The following PLEKHA5 variants were observed in gnomAD, a reference collection of about 807,000 sequenced individuals.
PLEKHA5 encodes the protein pleckstrin homology domain-containing family A member 5.
Under a neutral mutation model 181.9 loss-of-function variants are expected in PLEKHA5, and 55 were observed. The ratio of observed to expected loss-of-function variants is 0.30; its 90% confidence interval spans 0.24 to 0.38. PLEKHA5 has a LOEUF of 0.38. Among genes scored for constraint, PLEKHA5 ranks in the 10% least tolerant of loss-of-function variants. PLEKHA5 has a pLI of 1.00. For synonymous variants in PLEKHA5, 535 were observed against 529.4 expected, an observed-to-expected ratio of 1.01 and a Z score of -0.15; for missense variants, 1,432 against 1,549.5, an observed-to-expected ratio of 0.92 and a Z score of 1.27.
intron 22 of PLEKHA5, among the ~76,000 whole-genome samples, chr12:19,345,213 A>G (rs1383988302): frequency 6.6e-6 from 1 of 151,914 alleles, no homozygotes; most frequent in Non-Finnish European, 1.5e-5. Flanking sequence ...CAGGCTGGCC[A>G]ACTTGTTGAG....
intron 3 of PLEKHA5, among the ~76,000 whole-genome samples, chr12:19,213,250 A>T (rs568904386): frequency 6.6e-6 from 1 of 152,044 alleles, no homozygotes; most frequent in East Asian, 1.9e-4. Flanking sequence ...AGAGCAGATT[A>T]TGTCTGTGTT....
At chr12:19,343,057 T>C (rs1167941670) in intron 21 of PLEKHA5, among the ~76,000 whole-genome samples, 1 of 152,154 alleles carries the variant, frequency 6.6e-6, no homozygotes, top group African/African-American at 2.4e-5. Flanking sequence ...GTATCATAAA[T>C]AATGTAAGAC....
At chr12:19,156,707 G>A (rs973827069) in intron 3 of PLEKHA5, among the ~76,000 whole-genome samples, 9 of 151,766 alleles carry the variant, frequency 5.9e-5, no homozygotes, top group African/African-American at 2.2e-4. Flanking sequence ...AAAAATGCAT[G>A]CATTTAGGTT....
chr12:19,364,649 C>A (rs78313437), intron 29 of PLEKHA5, among the ~76,000 whole-genome samples: 1 of 151,920 alleles, frequency 6.6e-6, no homozygotes, highest in South Asian at 2.1e-4. Context: ...ACCCAATAAC[C>A]CCTGAACTCA....
intron 16 of PLEKHA5, among the ~76,000 whole-genome samples, chr12:19,316,325 C>G (rs1199677179): frequency 6.6e-6 from 1 of 151,686 alleles, no homozygotes; most frequent in African/African-American, 2.4e-5. Flanking sequence ...GCTCAACATT[C>G]ATGGTTCAGG....
chr12:19,228,861 GA>G (rs534047211), intron 3 of PLEKHA5, among the ~76,000 whole-genome samples: 87 of 152,108 alleles, frequency 5.7e-4, no homozygotes, highest in African/African-American at 2.0e-3. Context: ...CTAAACAAAT[GA>G]AAAATCTATT....
rs1211645644 is a variant in PLEKHA5, at chr12:19,130,744, C to T, written c.169+614C>T. On this transcript the variant is annotated intron_variant, in intron 2 of 31. Transcript: ENST00000429027. The surrounding 1 kb of genome is among the most constrained non-coding windows in gnomAD (Gnocchi z 4.5). ...CTGCGATCCTCTCTGTGACAGGGAA[C>T]GGCTCGGGAAACGCTTGGCGCGTTC... is the stretch of plus-strand genomic sequence containing the variant. 6.6e-6 allele frequency: 1 copy of T among 152,392 alleles called. No homozygotes were observed. The highest frequency in any genetic ancestry group is 1.5e-5 in the Non-Finnish European group (1 of 68,118). 9.4% of individuals were successfully genotyped at this position (152,392 alleles called of 1,614,324 possible).
At chr12:19,230,501 C>T (rs968270400) in intron 3 of PLEKHA5, among the ~76,000 whole-genome samples, 3 of 152,180 alleles carry the variant, frequency 2.0e-5, no homozygotes, top group African/African-American at 7.2e-5. Context: ...GAGCCCTGCC[C>T]TGTGGGGAAG....
At chr12:19,315,470 A>G (rs559879206) in intron 16 of PLEKHA5, among the ~76,000 whole-genome samples, 7 of 152,046 alleles carry the variant, frequency 4.6e-5, no homozygotes, top group African/African-American at 1.7e-4. Flanking sequence ...AAGTTACCCT[A>G]TTGTTTTTCC....
rs767633023 is a variant in PLEKHA5, at chr12:19,253,365, G to A, written c.228-575G>A. ...GCTGGGATTACAGGCGTGAGCCATG[G>A]CACCTGGCCTACAACTTAACCTTTG... is the stretch of plus-strand genomic sequence containing the variant. On this transcript the variant is annotated intron_variant, in intron 3 of 31. Transcript: ENST00000429027. 6.9e-4 allele frequency among the ~76,000 whole-genome samples: 105 copies of A among 151,704 alleles called. No individual in the cohort carries two copies. In the Middle Eastern group the frequency reaches 0.01, roughly 15 times the overall value.
Position 19,306,249 on chromosome 12 carries a change from G to A in PLEKHA5, c.2038-8565G>A. The A allele has an allele frequency of 1.5e-5, 5 of 336,718 alleles. No individual in the cohort carries two copies. In the East Asian group the frequency reaches 2.3e-4, roughly 16 times the overall value. The allele number at this position is 336,718 out of a possible 1,614,324, so 20.9% of individuals were successfully genotyped here. On this transcript the variant is annotated intron_variant, in intron 15 of 31. Transcript: ENST00000429027. ...AATTCACCGGCATTATTACCTAAGT[G>A]TATTTCCGAGATGTTGCCACGTATG... is the stretch of plus-strand genomic sequence containing the variant.
At chr12:19,351,302 C>T (rs1051580484) in intron 25 of PLEKHA5, among the ~76,000 whole-genome samples, 6 of 152,006 alleles carry the variant, frequency 3.9e-5, no homozygotes, top group African/African-American at 9.7e-5. Flanking sequence ...TTTGGGAGGC[C>T]GAAGCAGATG....
intron 8 of PLEKHA5, among the ~76,000 whole-genome samples, chr12:19,268,218 T>C (rs2152692059): frequency 6.6e-6 from 1 of 152,342 alleles, no homozygotes; most frequent in Admixed American, 6.5e-5. Context: ...AATTTAAAAT[T>C]ATAACTTTAT....
intron 21 of PLEKHA5, among the ~76,000 whole-genome samples, chr12:19,340,382 C>G (rs958307005): frequency 1.2e-4 from 17 of 139,456 alleles, no homozygotes; most frequent in African/African-American, 4.1e-4. Context: ...GTCAGCCCCC[C>G]GCCCGGCCAG....
chr12:19,336,410 G>A (rs2093428842), intron 20 of PLEKHA5, 105 bp from the exon 21 acceptor site: 2 of 644,376 alleles, frequency 3.1e-6, no homozygotes, highest in South Asian at 2.0e-5. Flanking sequence ...GTTTTGCTAA[G>A]TATAAACTAT....
chr12:19,141,583 T>C (rs576217088), intron 3 of PLEKHA5, among the ~76,000 whole-genome samples: 1 of 152,240 alleles, frequency 6.6e-6, no homozygotes, highest in Non-Finnish European at 1.5e-5. Flanking sequence ...CCAGTGATAT[T>C]CAGGGAAGCT....
Position 19,130,930 on chromosome 12 carries a change from C to T in PLEKHA5, c.169+800C>T, listed in dbSNP as rs2033603457. 2 of 152,276 alleles carry T rather than the reference C, an allele frequency of 1.3e-5. No individual in the cohort carries two copies. Among genetic ancestry groups the T allele is most frequent in the African/African-American group, 4.8e-5 (2 of 41,438 alleles). 9.4% of individuals were successfully genotyped at this position (152,276 alleles called of 1,614,324 possible). A position where few individuals can be genotyped will look rare whatever the true frequency, so the allele number is the denominator to read the frequency against. On this transcript the variant is annotated intron_variant, in intron 2 of 31. Coordinates refer to ENST00000429027, the MANE Select transcript of PLEKHA5 (RefSeq NM_001256470.2). This position sits in a 1 kb window ranked among gnomAD's most constrained non-coding sequence, Gnocchi z 4.5. ...GTGTCCCGTATGGGGGCACCCGGGC[C>T]CTGTTTGGAGGGAGTCCGTGGGGAA...
At chr12:19,358,066 G>A (rs1230907732) in intron 26 of PLEKHA5, among the ~76,000 whole-genome samples, 162 bp from the exon 27 acceptor site, 1 of 151,950 alleles carries the variant, frequency 6.6e-6, no homozygotes, top group Non-Finnish European at 1.5e-5. Context: ...GGATCAAATA[G>A]CAATTTCATG....
intron 3 of PLEKHA5, among the ~76,000 whole-genome samples, chr12:19,232,730 G>A (rs775856199): frequency 6.6e-6 from 1 of 152,072 alleles, no homozygotes; most frequent in African/African-American, 2.4e-5. Context: ...AAGAGTTGCT[G>A]TGTAGTGAAA....
Sources: allele counts gnomAD v4.1 joint callset (sites outside exome capture counted in the v4.1 genomes callset), GRCh38; gene constraint gnomAD v4.1.1; non-coding constraint Gnocchi (gnomAD v3.1); transcripts MANE v1.5; gene names NCBI Gene and HGNC (gene_info 2026-07-23, HGNC 2026-07-21).